TMEM272: variants seen among roughly 807,000 people sequenced by gnomAD.
The protein encoded by TMEM272 is transmembrane protein 272.
In TMEM272, 8 loss-of-function variants were observed where a neutral mutation model predicts 3.7. That is an observed-to-expected ratio of 2.17 (90% CI 1.27 to 3.91). The LOEUF is 3.91. Ranked by LOEUF, TMEM272 falls within the 30% of genes most tolerant of loss-of-function variation. The probability of loss-of-function intolerance (pLI) is 0.00; values close to 1 mark genes in which losing one functional copy is unlikely to be tolerated. For synonymous variants in TMEM272, 63 were observed against 39.8 expected (o/e 1.58, Z -2.20); for missense variants, 166 against 91.5 (o/e 1.81, Z -3.32).
At chr13:51,930,335 T>C in the TMEM272 span, 1 of 152,234 alleles carries the variant, frequency 6.6e-6, no homozygotes. Flanking sequence ...GATTTCACAG[T>C]ATTACTTAGC....
At chr13:51,826,138 CAAAAAA>C (rs11295480) in intron 3 of TMEM272, among the ~76,000 whole-genome samples, 6 of 123,204 alleles carry the variant, frequency 4.9e-5, no homozygotes, top group Non-Finnish European at 6.8e-5. Context: ...ATTCATTCAG[CAAAAAA>C]AAAAAAAAAA....
the TMEM272 span, among the ~76,000 whole-genome samples, chr13:51,926,424 G>A: frequency 6.6e-6 from 1 of 152,292 alleles, no homozygotes; most frequent in Middle Eastern, 3.4e-3. Flanking sequence ...CAGGAGATCT[G>A]CTTCATGGGC....
intron 3 of TMEM272, among the ~76,000 whole-genome samples, chr13:51,825,831 A>G (rs1318592577): frequency 6.7e-6 from 1 of 150,318 alleles, no homozygotes; most frequent in Non-Finnish European, 1.5e-5. Context: ...CTAGTCTCAA[A>G]CTCCTGGGCT....
the TMEM272 span, among the ~76,000 whole-genome samples, chr13:51,923,991 G>T: frequency 6.6e-6 from 1 of 152,178 alleles, no homozygotes; most frequent in African/African-American, 2.4e-5. Context: ...GAATTATCTC[G>T]AGTTAATAAT....
At chr13:51,864,980 C>A in the TMEM272 span, among the ~76,000 whole-genome samples, 5 of 152,218 alleles carry the variant, frequency 3.3e-5, no homozygotes, top group African/African-American at 1.2e-4. Context: ...AGGAACAATT[C>A]TCAAGTGAGT....
At chr13:51,826,138 CAAAAAAAA>C (rs11295480) in intron 3 of TMEM272, among the ~76,000 whole-genome samples, 1 of 123,204 alleles carries the variant, frequency 8.1e-6, no homozygotes, top group Non-Finnish European at 1.7e-5. Flanking sequence ...ATTCATTCAG[CAAAAAAAA>C]AAAAAAAAAA....
chr13:51,881,018 G>A, the TMEM272 span, among the ~76,000 whole-genome samples: 1 of 152,230 alleles, frequency 6.6e-6, no homozygotes, highest in African/African-American at 2.4e-5. Context: ...AGTGATCATG[G>A]CCTACACTGA....
the TMEM272 span, among the ~76,000 whole-genome samples, chr13:51,870,530 C>CCTT: frequency 0.97 from 147,769 of 152,320 alleles, 71,689 homozygotes; most frequent in East Asian, 1. Flanking sequence ...TCTACTCCCT[C>CCTT]AAGTCCCGAT....
the TMEM272 span, among the ~76,000 whole-genome samples, chr13:51,912,001 C>T: frequency 1.3e-5 from 2 of 152,098 alleles, no homozygotes; most frequent in Non-Finnish European, 2.9e-5. Flanking sequence ...CCCACATGGC[C>T]ACTCCCTCAA....
the TMEM272 span, among the ~76,000 whole-genome samples, chr13:51,852,381 G>A: frequency 1.3e-5 from 2 of 152,292 alleles, no homozygotes; most frequent in South Asian, 4.1e-4. Flanking sequence ...TATAAAACGG[G>A]CACTGTGGAT....
chr13:51,852,022 G>C, the TMEM272 span, among the ~76,000 whole-genome samples: 1 of 152,204 alleles, frequency 6.6e-6, no homozygotes, highest in Admixed American at 6.5e-5. Context: ...ACATGGAATT[G>C]CTGGGTGAAA....
At chr13:51,912,981 C>A in the TMEM272 span, among the ~76,000 whole-genome samples, 1 of 152,228 alleles carries the variant, frequency 6.6e-6, no homozygotes, top group Non-Finnish European at 1.5e-5. Context: ...CAGGTGTCCA[C>A]TGAACAAAGC....
chr13:51,857,222 C>T, the TMEM272 span, among the ~76,000 whole-genome samples: 1 of 151,140 alleles, frequency 6.6e-6, no homozygotes. Context: ...ACCATTCTAC[C>T]GATAACACCT....
Position 51,816,673 on chromosome 13 carries a change from G to C in TMEM272, c.*78C>G. 1 of 635,682 alleles carries C rather than the reference G, an allele frequency of 1.6e-6. No individual in the cohort carries two copies. Among genetic ancestry groups the C allele is most frequent in the Non-Finnish European group, 2.9e-6 (1 of 348,696 alleles). 39.4% of individuals were successfully genotyped at this position (635,682 alleles called of 1,614,324 possible). A position where few individuals can be genotyped will look rare whatever the true frequency, so the allele number is the denominator to read the frequency against. ...TGAACCTGTGTGTGTGTGTGTGTGT[G>C]TGTGCGTCTGTGTGTCTGTGTGCAC... is the stretch of plus-strand genomic sequence containing the variant. On this transcript the variant is annotated 3_prime_UTR_variant, in exon 5 of 5. Transcript: ENST00000629372.
the TMEM272 span, among the ~76,000 whole-genome samples, chr13:51,896,655 T>C: frequency 6.6e-6 from 1 of 152,134 alleles, no homozygotes. Context: ...TCTCTTCCCA[T>C]GAGGCACCCC....
chr13:51,909,068 G>A, the TMEM272 span: 3 of 1,479,090 alleles, frequency 2.0e-6, no homozygotes, highest in East Asian at 2.3e-5. Flanking sequence ...CCAATGGTGA[G>A]GGACCATATG....
At chr13:51,836,806 AG>A (rs1408484080) in intron 2 of TMEM272, among the ~76,000 whole-genome samples, 2 of 149,896 alleles carry the variant, frequency 1.3e-5, no homozygotes, top group African/African-American at 5.1e-5. Flanking sequence ...TGGAAGGCCC[AG>A]GGGGAAAACA....
chr13:51,867,560 G>A, the TMEM272 span, among the ~76,000 whole-genome samples: 3 of 152,252 alleles, frequency 2.0e-5, no homozygotes, highest in South Asian at 2.1e-4. Context: ...AGAGTGGGCC[G>A]ACTCCCAGGA....
intron 2 of TMEM272, among the ~76,000 whole-genome samples, chr13:51,837,556 T>C (rs1198505875): frequency 6.6e-6 from 1 of 152,190 alleles, no homozygotes; most frequent in Non-Finnish European, 1.5e-5. Flanking sequence ...ACTGGGCCCA[T>C]CAGCGAATGG....
Sources: gnomAD v4.1 joint callset for allele counts (sites outside exome capture counted in the v4.1 genomes callset) on GRCh38, gnomAD v4.1.1 for gene constraint, MANE v1.5 for transcripts, NCBI Gene and HGNC (gene_info 2026-07-23, HGNC 2026-07-21) for gene names.